Variants in PICALM observed in about 807,000 individuals in gnomAD.
PICALM encodes the protein phosphatidylinositol binding clathrin assembly protein.
In PICALM, 40 loss-of-function variants were observed where a neutral mutation model predicts 80.5. That is an observed-to-expected ratio of 0.50 (90% CI 0.39 to 0.65). PICALM has a LOEUF of 0.65. Ranked by LOEUF, PICALM falls within the 30% of genes least tolerant of loss-of-function variation. The pLI is 0.00. For synonymous variants in PICALM, 288 were observed against 260.3 expected (o/e 1.11, Z -1.02); for missense variants, 676 against 778.9 (o/e 0.87, Z 1.57).
At chr11:85,965,621 G>A (rs1215042404) in intron 19 of PICALM, among the ~76,000 whole-genome samples, 2 of 152,068 alleles carry the variant, frequency 1.3e-5, no homozygotes, top group Non-Finnish European at 2.9e-5. Flanking sequence ...GTGAGATAGT[G>A]CTAAAAGACA....
At chr11:86,005,413 G>A (rs1393351356) in intron 8 of PICALM, among the ~76,000 whole-genome samples, 5 of 152,152 alleles carry the variant, frequency 3.3e-5, no homozygotes, top group Non-Finnish European at 5.9e-5. Context: ...GACAAAGAGT[G>A]AGGAGGCTGG....
At chr11:85,971,004 G>T (rs1000372545) in intron 19 of PICALM, among the ~76,000 whole-genome samples, 1 of 151,892 alleles carries the variant, frequency 6.6e-6, no homozygotes, top group East Asian at 1.9e-4. Context: ...GAGAAGGGTG[G>T]GTCTAATTAT....
chr11:86,047,410 A>C (rs2096093003), intron 1 of PICALM, among the ~76,000 whole-genome samples: 1 of 152,282 alleles, frequency 6.6e-6, no homozygotes, highest in Non-Finnish European at 1.5e-5. Flanking sequence ...ACTCAAGTTC[A>C]CAAGTTGCGA....
intron 1 of PICALM, among the ~76,000 whole-genome samples, chr11:86,058,506 G>C (rs543392141): frequency 6.6e-6 from 1 of 152,214 alleles, no homozygotes; most frequent in East Asian, 1.9e-4. Context: ...ATAAATACCA[G>C]CACCATTCCC....
chr11:86,062,697 A>G (rs993517365), intron 1 of PICALM, among the ~76,000 whole-genome samples: 1 of 152,178 alleles, frequency 6.6e-6, no homozygotes, highest in East Asian at 1.9e-4. Flanking sequence ...CTCTGAACAT[A>G]ATTTTTAATA....
At position 85,978,088 on chromosome 11, in the gene PICALM, G is replaced by A. The variant is rs141993999; in HGVS notation, c.1780-1406C>T. ...CACTTACGTATTGTGGAAAATGCAT[G>A]CCATTCTGTTTTTCCCAGGGAGAAC... On this transcript the variant is annotated intron_variant, in intron 17 of 19. Coordinates refer to ENST00000393346, the MANE Select transcript of PICALM (RefSeq NM_007166.4). 9.4e-5 allele frequency: 151 copies of A among 1,612,424 alleles called. No homozygotes were observed. Among genetic ancestry groups the A allele is most frequent in the Non-Finnish European group, 1.1e-4 (135 of 1,178,722 alleles).
intron 8 of PICALM, among the ~76,000 whole-genome samples, chr11:86,005,731 A>T (rs1171802182): frequency 6.6e-6 from 1 of 151,966 alleles, no homozygotes; most frequent in Non-Finnish European, 1.5e-5. Flanking sequence ...ACAAAACCCA[A>T]AGAGTGAAGA....
intron 1 of PICALM, among the ~76,000 whole-genome samples, chr11:86,033,753 TC>T (rs2095798708): frequency 6.6e-6 from 1 of 152,170 alleles, no homozygotes; most frequent in Non-Finnish European, 1.5e-5. Context: ...CTCAACTCTA[TC>T]CCCAAAGACC....
chr11:86,048,778 G>A (rs891471478), intron 1 of PICALM, among the ~76,000 whole-genome samples: 34 of 145,560 alleles, frequency 2.3e-4, no homozygotes, highest in African/African-American at 8.7e-4. Context: ...GTTGCGGTGA[G>A]CCAAGATATA....
chr11:86,014,890 C>A lies in PICALM; in HGVS notation c.526G>T (p.Asp176Tyr). ...KTVPIIQNQM[D>Y]ALLDFNVNSN... The stretch of plus-strand genomic sequence containing the variant: ...CTCACATTAAAATCAAGAAGTGCAT[C>A]CATCTGATTCTGAATAATTGGTACA... Residue 176 changes from aspartate to tyrosine, a missense_variant, in exon 5 of 20, where the codon GAT (aspartate) becomes TAT (tyrosine). By Grantham distance (160) the Asp-to-Tyr change is radical. This residue lies in a region of PICALM where 285 missense variants were observed against 395.4 expected (regional missense o/e 0.72). Transcript: ENST00000393346. 6.4e-7 allele frequency: 1 copy of A among 1,559,490 alleles called. No individual in the cohort carries two copies. Among genetic ancestry groups the A allele is most frequent in the South Asian group, 1.1e-5 (1 of 87,626 alleles).
At chr11:86,039,048 T>C (rs56026701) in intron 1 of PICALM, among the ~76,000 whole-genome samples, 31,463 of 151,024 alleles carry the variant, frequency 0.21, 3,603 homozygotes, top group African/African-American at 0.24. Flanking sequence ...GAGGCAGAGG[T>C]TGTGGTGAGC....
At chr11:86,059,521 C>A (rs1257961582) in intron 1 of PICALM, among the ~76,000 whole-genome samples, 2 of 152,124 alleles carry the variant, frequency 1.3e-5, no homozygotes, top group Non-Finnish European at 2.9e-5. Flanking sequence ...TTAAAAGAGG[C>A]CGAGCATGGT....
intron 1 of PICALM, among the ~76,000 whole-genome samples, chr11:86,045,519 CAAAAAAAAAAAAAAAA>C (rs71040207): frequency 4.2e-5 from 2 of 47,770 alleles, no homozygotes; most frequent in African/African-American, 1.1e-4. Context: ...TCTTGAAATT[CAAAAAAAAAAAAAAAA>C]AAAAAAAAAA....
chr11:86,031,783 T>C (rs1427826742), intron 1 of PICALM, among the ~76,000 whole-genome samples, 172 bp from the exon 2 acceptor site: 5 of 152,154 alleles, frequency 3.3e-5, no homozygotes, highest in Non-Finnish European at 7.4e-5. Flanking sequence ...ATAATCTACC[T>C]AAGAAGCAGG....
At chr11:85,973,839 T>C (rs1473066403) in intron 19 of PICALM, among the ~76,000 whole-genome samples, 2 of 152,196 alleles carry the variant, frequency 1.3e-5, no homozygotes, top group Non-Finnish European at 2.9e-5. Flanking sequence ...TCAGTTAGCA[T>C]TAGCAACCAT....
chr11:85,978,131 A>G, intron 17 of PICALM: 1 of 1,567,496 alleles, frequency 6.4e-7, no homozygotes, highest in African/African-American at 1.3e-5. Context: ...TAATGCAATA[A>G]CACTGGATTA....
chr11:86,059,056 T>C (rs1759793464), intron 1 of PICALM, among the ~76,000 whole-genome samples: 1 of 152,222 alleles, frequency 6.6e-6, no homozygotes, highest in Non-Finnish European at 1.5e-5. Flanking sequence ...ATGAGTTCCA[T>C]GAAACAGTAA....
intron 5 of PICALM, among the ~76,000 whole-genome samples, chr11:86,013,186 A>G (rs1226629346): frequency 2.0e-5 from 3 of 151,986 alleles, no homozygotes; most frequent in African/African-American, 7.2e-5. Context: ...ATGGTGGTGT[A>G]CCCCTGTAGT....
chr11:85,990,515 TTAAA>T (rs2094734581), intron 12 of PICALM, 116 bp from the exon 13 acceptor site: 3 of 485,418 alleles, frequency 6.2e-6, no homozygotes, highest in Non-Finnish European at 1.0e-5. Flanking sequence ...TTTATTAATC[TTAAA>T]TATCTAAATT....
Sources: gnomAD v4.1 joint callset for allele counts (sites outside exome capture counted in the v4.1 genomes callset) on GRCh38, gnomAD v4.1.1 for gene constraint, gnomAD v4.1.1 regional missense constraint, MANE v1.5 for transcripts, NCBI Gene and HGNC (gene_info 2026-07-23, HGNC 2026-07-21) for gene names.